BEAN1: variants seen among roughly 807,000 people sequenced by gnomAD.
The protein encoded by BEAN1 is protein BEAN1.
Under a neutral mutation model 17.7 loss-of-function variants are expected in BEAN1, and 17 were observed. That is an observed-to-expected ratio of 0.96 (90% CI 0.66 to 1.44). BEAN1 has a LOEUF of 1.44. Among genes scored for constraint, BEAN1 ranks in the 40% most tolerant of loss-of-function variants. BEAN1 has a pLI of 0.00. For missense variants in BEAN1, 359 were observed against 374.1 expected (o/e 0.96, Z 0.33); for synonymous variants, 142 against 151.8 (o/e 0.94, Z 0.47).
At chr16:66,448,098 C>G (rs572739661) in intron 2 of BEAN1, among the ~76,000 whole-genome samples, 2 of 152,186 alleles carry the variant, frequency 1.3e-5, no homozygotes, top group African/African-American at 4.8e-5. Flanking sequence ...CAAAACTTTC[C>G]CCTCCTGCCT....
chr16:66,483,600 A>G (rs1567512267), downstream of BEAN1: 1 of 152,380 alleles, frequency 6.6e-6, no homozygotes. Flanking sequence ...CTTAGCGGAC[A>G]GAGCCTGGGC....
chr16:66,450,002 C>A (rs1299559099), intron 2 of BEAN1, among the ~76,000 whole-genome samples: 1 of 152,142 alleles, frequency 6.6e-6, no homozygotes, highest in African/African-American at 2.4e-5. Flanking sequence ...CTTTAAATTC[C>A]TTCAAACTAG....
chr16:66,484,421 G>A (rs898014782), downstream of BEAN1: 2 of 361,508 alleles, frequency 5.5e-6, no homozygotes, highest in African/African-American at 4.3e-5. The surrounding 1 kb of genome is among the most constrained non-coding windows in gnomAD (Gnocchi z 4.2). Flanking sequence ...CTCCATCCAC[G>A]ACATGCCCTA....
chr16:66,467,177 TA>T (rs1383177420), intron 2 of BEAN1, among the ~76,000 whole-genome samples: 2 of 152,182 alleles, frequency 1.3e-5, no homozygotes, highest in African/African-American at 4.8e-5. Context: ...GTTCTTACGC[TA>T]AAGACAGTAA....
chr16:66,455,915 G>T (rs912953859), intron 2 of BEAN1, among the ~76,000 whole-genome samples: 3 of 152,168 alleles, frequency 2.0e-5, no homozygotes, highest in Admixed American at 6.5e-5. Context: ...TTGAGCTCCT[G>T]CGCTCAAGCA....
Position 66,481,775 on chromosome 16 carries a change from G to GCTTCA in BEAN1, c.*852_*856dup, listed in dbSNP as rs1397389439. On this transcript the variant is annotated 3_prime_UTR_variant, in exon 5 of 5. Coordinates refer to ENST00000536005, the MANE Select transcript of BEAN1 (RefSeq NM_001178020.3). The surrounding 1 kb of genome is among the most constrained non-coding windows in gnomAD (Gnocchi z 4.1). ...TGAGGCCATTGCCCTTCTCCAGGTG[G>GCTTCA]CTTCACCACAGTGCTGCCTGGGCAC... 1 of 152,538 alleles carries GCTTCA rather than the reference G, an allele frequency of 6.6e-6. No homozygotes were observed. The highest frequency in any genetic ancestry group is 2.4e-5 in the African/African-American group (1 of 41,488). The allele number at this position is 152,538 out of a possible 1,614,324, so 9.4% of individuals were successfully genotyped here.
At chr16:66,489,671 T>G (rs749510814) in intron 4 of BEAN1, among the ~76,000 whole-genome samples, 28 of 151,694 alleles carry the variant, frequency 1.8e-4, no homozygotes, top group Non-Finnish European at 3.8e-4. Context: ...TTAGAGAAGG[T>G]AGGAAAGAGA....
rs1963990039 is a variant in BEAN1, at chr16:66,481,635, AGCTATCTCTGAC to A, written c.*714_*725del. On this transcript the variant is annotated 3_prime_UTR_variant, in exon 5 of 5. Coordinates refer to ENST00000536005, the MANE Select transcript of BEAN1 (RefSeq NM_001178020.3). This position sits in a 1 kb window ranked among gnomAD's most constrained non-coding sequence, Gnocchi z 4.1. ...TCCCTCAGTCAGGTGGTGCTAGTAG[AGCTATCTCTGAC>A]GCTGCAGGCCCCAGGTAGATGGGCA... The A allele has an allele frequency of 5.5e-6, 1 of 181,194 alleles. No individual in the cohort carries two copies. The highest frequency in any genetic ancestry group is 2.3e-5 in the African/African-American group (1 of 42,658). 11.2% of individuals were successfully genotyped at this position (181,194 alleles called of 1,614,324 possible).
chr16:66,460,877 T>G (rs997511341), intron 2 of BEAN1, among the ~76,000 whole-genome samples: 2 of 152,210 alleles, frequency 1.3e-5, no homozygotes, highest in Non-Finnish European at 2.9e-5. Context: ...TTAACCTCTC[T>G]GAGGCTGTTT....
Position 66,440,290 on chromosome 16 carries a change from T to C in BEAN1, c.25+2589T>C, listed in dbSNP as rs775022651. On this transcript the variant is annotated intron_variant, in intron 2 of 4. Coordinates refer to ENST00000536005, the MANE Select transcript of BEAN1 (RefSeq NM_001178020.3). ...GACTACAGGCGCCCACCACCACACC[T>C]GGCTAAGTTTTTTTTGTTTTTAATA... is the stretch of plus-strand genomic sequence containing the variant. Among the ~76,000 whole-genome samples, 4 of 151,996 alleles carry C rather than the reference T, an allele frequency of 2.6e-5. No homozygotes were observed. In the Middle Eastern group the frequency reaches 0.01, roughly 388 times the overall value.
intron 1 of BEAN1, among the ~76,000 whole-genome samples, chr16:66,435,408 T>C (rs1458602366): frequency 6.6e-6 from 1 of 152,202 alleles, no homozygotes; most frequent in Non-Finnish European, 1.5e-5. Flanking sequence ...ATTTGGTGAA[T>C]GTGAGCCACA....
Position 66,480,579 on chromosome 16 carries a change from C to T in BEAN1, c.441-7C>T, listed in dbSNP as rs1029806340. ...GTGGGGCACTGAGGGAGCCTCTTCT[C>T]TCGTAGCTACGAGGAGTGTGTGGGG... is the stretch of plus-strand genomic sequence containing the variant. On this transcript the variant is annotated splice_polypyrimidine_tract_variant and splice_region_variant and intron_variant, in intron 4 of 4. Coordinates refer to ENST00000536005, the MANE Select transcript of BEAN1 (RefSeq NM_001178020.3). 3.3e-6 allele frequency: 5 copies of T among 1,520,846 alleles called. No individual in the cohort carries two copies. The highest frequency in any genetic ancestry group is 4.4e-6 in the Non-Finnish European group (5 of 1,125,612). 94.2% of individuals were successfully genotyped at this position (1,520,846 alleles called of 1,614,324 possible).
chr16:66,480,692 G>T lies in BEAN1; in HGVS notation c.547G>T (p.Asp183Tyr). The change falls in exon 5 of 5, where the codon GAC (aspartate) becomes TAC (tyrosine). Residue 183 changes from aspartate (D) to tyrosine (Y), a missense_variant. By Grantham distance (160) the Asp-to-Tyr change is radical. Coordinates refer to ENST00000536005, the MANE Select transcript of BEAN1 (RefSeq NM_001178020.3). ...DSCPTLDGTS[D>Y]SGSGHSPGRH... ...CTGCCCCACGCTGGATGGCACCTCC[G>T]ACTCAGGCAGCGGCCACAGCCCTGG... The T allele has an allele frequency of 6.4e-7, 1 of 1,551,644 alleles. No individual in the cohort carries two copies. Among genetic ancestry groups the T allele is most frequent in the Non-Finnish European group, 8.7e-7 (1 of 1,146,956 alleles).
intron 2 of BEAN1, among the ~76,000 whole-genome samples, chr16:66,452,716 G>A (rs1421278074): frequency 6.6e-6 from 1 of 152,202 alleles, no homozygotes; most frequent in Non-Finnish European, 1.5e-5. Context: ...GAGAAAAGGA[G>A]GATGGGGTTT....
chr16:66,463,424 C>T (rs574214888), intron 2 of BEAN1, among the ~76,000 whole-genome samples: 1 of 152,168 alleles, frequency 6.6e-6, no homozygotes, highest in Non-Finnish European at 1.5e-5. Flanking sequence ...CATGTGCTTA[C>T]TGGCCAATTG....
chr16:66,440,063 G>A (rs556474415), intron 2 of BEAN1, among the ~76,000 whole-genome samples: 6 of 151,310 alleles, frequency 4.0e-5, no homozygotes, highest in Admixed American at 2.0e-4. Flanking sequence ...CAACTTCTGT[G>A]AAGTTAAAAC....
At position 66,471,477 on chromosome 16, in the gene BEAN1, G is replaced by A. The variant is rs779619389; in HGVS notation, c.289+1612G>A. ...TGTCGGGGAGACGCCCCTGGGAGCCGCCCCGTGGGCTCAAGGCAGTGTCCG... is the reference window on the plus strand; with the variant it reads ...TGTCGGGGAGACGCCCCTGGGAGCCACCCCGTGGGCTCAAGGCAGTGTCCG... On this transcript the variant is annotated intron_variant, in intron 3 of 4. Transcript: ENST00000536005. The surrounding 1 kb of genome is among the most constrained non-coding windows in gnomAD (Gnocchi z 4.7). Among the ~76,000 whole-genome samples, 6 of 152,238 alleles carry A rather than the reference G, an allele frequency of 3.9e-5. No homozygotes were observed. Among genetic ancestry groups the A allele is most frequent in the East Asian group, 1.9e-4 (1 of 5,192 alleles).
chr16:66,429,912 T>A (rs1290761999), intron 1 of BEAN1, among the ~76,000 whole-genome samples: 1 of 152,174 alleles, frequency 6.6e-6, no homozygotes, highest in East Asian at 1.9e-4. Flanking sequence ...CCGGACACCC[T>A]CAGAGGACCA....
chr16:66,429,342 G>C (rs1486779665), intron 1 of BEAN1, among the ~76,000 whole-genome samples: 1 of 152,224 alleles, frequency 6.6e-6, no homozygotes, highest in Non-Finnish European at 1.5e-5. Context: ...TCAGAGCAGG[G>C]TGTCCCCAGG....
Sources: allele counts gnomAD v4.1 joint callset (sites outside exome capture counted in the v4.1 genomes callset), GRCh38; gene constraint gnomAD v4.1.1; non-coding constraint Gnocchi (gnomAD v3.1); transcripts MANE v1.5; gene names NCBI Gene and HGNC (gene_info 2026-07-23, HGNC 2026-07-21).